The following COX7A1 variants were observed in gnomAD, a reference collection of about 807,000 sequenced individuals.
The protein encoded by COX7A1 is cytochrome c oxidase subunit 7A1.
In COX7A1, 21 loss-of-function variants were observed where a neutral mutation model predicts 13.2. The ratio of observed to expected loss-of-function variants is 1.59; its 90% CI spans 1.13 to 2.29. The LOEUF (loss-of-function observed/expected upper bound fraction) is 2.29. Among genes scored for constraint, COX7A1 ranks in the 30% most tolerant of loss-of-function variants. COX7A1 has a pLI of 0.00. For synonymous variants in COX7A1, 41 were observed against 41.9 expected (o/e 0.98, Z 0.08); for missense variants, 107 against 100.0 (o/e 1.07, Z -0.30).
rs771394071 is a variant in COX7A1, at chr19:36,151,697, C to A, written c.74G>T (p.Arg25Leu). 1.9e-6 allele frequency: 3 copies of A among 1,601,592 alleles called. No homozygotes were observed. Among genetic ancestry groups the A allele is most frequent in the Non-Finnish European group, 2.6e-6 (3 of 1,174,530 alleles). ...GAAGAGCTTCTGTTTCTCGCGCACTCGGTTCTGAAAGCGGTTCCGGGCGGT... is the reference window on the plus strand; with the variant it reads ...GAAGAGCTTCTGTTTCTCGCGCACTAGGTTCTGAAAGCGGTTCCGGGCGGT... ...SSTARNRFQN[R>L]VREKQKLFQE... Residue 25 changes from arginine (R) to leucine (L), a missense_variant, in exon 2 of 4, where the codon CGA (arginine) becomes CTA (leucine). By Grantham distance (102) the Arg-to-Leu change is moderately radical (BLOSUM62 -2). Coordinates refer to ENST00000292907, the MANE Select transcript of COX7A1 (RefSeq NM_001864.4).
rs1974768074 is a variant in COX7A1, at chr19:36,151,506, A to G, written c.143T>C (p.Val48Ala). 7 of 1,614,184 alleles carry G rather than the reference A, an allele frequency of 4.3e-6. No homozygotes were observed. The highest frequency in any genetic ancestry group is 3.3e-4 in the Middle Eastern group (2 of 6,062). The change falls in exon 3 of 4, where the codon GTT (valine) becomes GCT (alanine). Residue 48 changes from valine (V) to alanine (A), a missense_variant. Transcript: ENST00000292907. ...DIPLYLKGGI[V>A]DNILYRVTMT... ...TGTCACTCGGTACAGGATGTTGTCA[A>G]CGATGCCGCCCTTCAGGTACAACGG...
At position 36,151,655 on chromosome 19, in the gene COX7A1, C is replaced by T. The variant is rs776668775; in HGVS notation, c.102+14G>A. ...GGCTGGCGCGTCGGATCCCCACCCC[C>T]CCCGACCCCCCACCTGGAAGAGCTT... is the stretch of plus-strand genomic sequence containing the variant. On this transcript the variant is annotated intron_variant, in intron 2 of 3. Transcript: ENST00000292907. 3.3e-5 allele frequency: 48 copies of T among 1,442,196 alleles called. 1 individual carries two copies. In the South Asian group the frequency reaches 4.6e-4, roughly 14 times the overall value. 89.3% of individuals were successfully genotyped at this position (1,442,196 alleles called of 1,614,324 possible).
At position 36,151,653 on chromosome 19, in the gene COX7A1, CCCCCCGA is replaced by C. The variant is rs749388258; in HGVS notation, c.102+9_102+15del. On this transcript the variant is annotated intron_variant, in intron 2 of 3. Transcript: ENST00000292907. ...CCGGCTGGCGCGTCGGATCCCCACC[CCCCCCGA>C]CCCCCCACCTGGAAGAGCTTCTGTT... 47 of 1,413,638 alleles carry C rather than the reference CCCCCCGA, an allele frequency of 3.3e-5. No individual in the cohort carries two copies. Among genetic ancestry groups the C allele is most frequent in the Non-Finnish European group, 4.0e-5 (42 of 1,042,652 alleles). The allele number at this position is 1,413,638 out of a possible 1,614,324, so 87.6% of individuals were successfully genotyped here. A position where few individuals can be genotyped will look rare whatever the true frequency, so the allele number is the denominator to read the frequency against.
At position 36,150,954 on chromosome 19, in the gene COX7A1, T is replaced by C. The variant is rs1435917192; in HGVS notation, c.*28A>G. 1 of 1,610,660 alleles carries C rather than the reference T, an allele frequency of 6.2e-7. No individual in the cohort carries two copies. Among genetic ancestry groups the C allele is most frequent in the South Asian group, 1.1e-5 (1 of 91,010 alleles). ...CAGCGTTTATTGACACTTGTTCAAGTCTCTCAGGCCCCCCAGGCTTCTTGG... is the reference window on the plus strand; with the variant it reads ...CAGCGTTTATTGACACTTGTTCAAGCCTCTCAGGCCCCCCAGGCTTCTTGG... On this transcript the variant is annotated 3_prime_UTR_variant, in exon 4 of 4. Transcript: ENST00000292907.
chr19:36,151,539 T>TTGTCCTCCTGGATGTGGGGG lies in COX7A1; in HGVS notation c.103-13_109dup (p.Asn37ThrfsTer14). The stretch of plus-strand genomic sequence containing the variant: ...GCCCTTCAGGTACAACGGGATGTCA[T>TTGTCCTCCTGGATGTGGGGG]TGTCCTCCTGGATGTGGGGGTGTCT... On this transcript the variant is annotated frameshift_variant, in exon 3 of 4. Coordinates refer to ENST00000292907, the MANE Select transcript of COX7A1 (RefSeq NM_001864.4). LOFTEE classifies it high-confidence loss of function. The TTGTCCTCCTGGATGTGGGGG allele has an allele frequency of 6.2e-7, 1 of 1,614,134 alleles. No homozygotes were observed. Among genetic ancestry groups the TTGTCCTCCTGGATGTGGGGG allele is most frequent in the Non-Finnish European group, 8.5e-7 (1 of 1,180,002 alleles).
At position 36,151,656 on chromosome 19, in the gene COX7A1, CCCGA is replaced by C; in HGVS notation, c.102+9_102+12del. 5.2e-5 allele frequency: 75 copies of C among 1,451,402 alleles called. No homozygotes were observed. Among genetic ancestry groups the C allele is most frequent in the Non-Finnish European group, 6.7e-5 (72 of 1,077,528 alleles). The allele number at this position is 1,451,402 out of a possible 1,614,324, so 89.9% of individuals were successfully genotyped here. ...GCTGGCGCGTCGGATCCCCACCCCC[CCCGA>C]CCCCCCACCTGGAAGAGCTTCTGTT... On this transcript the variant is annotated intron_variant, in intron 2 of 3. Transcript: ENST00000292907.
rs745934643 is a variant in COX7A1, at chr19:36,151,719, C to A, written c.52G>T (p.Ala18Ser). The A allele has an allele frequency of 2.2e-6, 3 of 1,391,948 alleles. No individual in the cohort carries two copies. The highest frequency in any genetic ancestry group is 3.1e-5 in the African/African-American group (2 of 64,428). The allele number at this position is 1,391,948 out of a possible 1,614,324, so 86.2% of individuals were successfully genotyped here. ...ACTCGGTTCTGAAAGCGGTTCCGGG[C>A]GGTGGAGCTGAAGGAGCGGATCAGC... is the stretch of plus-strand genomic sequence containing the variant. ...QALIRSFSST[A>S]RNRFQNRVRE... is the part of the protein sequence containing the mutation. The change falls in exon 2 of 4, where the codon GCC becomes TCC. Residue 18 changes from alanine (A) to serine (S), a missense_variant. Transcript: ENST00000292907.
chr19:36,151,366 A>C, intron 3 of COX7A1, 96 bp downstream of exon 3: 1 of 1,375,746 alleles, frequency 7.3e-7, no homozygotes, highest in Non-Finnish European at 1.0e-6. Context: ...GCCAACCCCC[A>C]ACCCAGATCC....
Position 36,151,071 on chromosome 19 carries a change from A to G in COX7A1, c.188-37T>C, listed in dbSNP as rs1010962214. The G allele has an allele frequency of 1.9e-6, 3 of 1,600,046 alleles. No homozygotes were observed. The African/African-American group carries it at 4.0e-5, about 22-fold the overall frequency. On this transcript the variant is annotated intron_variant, in intron 3 of 3. Coordinates refer to ENST00000292907, the MANE Select transcript of COX7A1 (RefSeq NM_001864.4). ...AAGCGTTGGAGACAGAATGAGACCT[A>G]ATCCCCTCCCTGGACATCCCAGGCT...
Position 36,151,718 on chromosome 19 carries a change from G to A in COX7A1, c.53C>T (p.Ala18Val). 2 of 1,607,636 alleles carry A rather than the reference G, an allele frequency of 1.2e-6. No individual in the cohort carries two copies. The highest frequency in any genetic ancestry group is 1.7e-6 in the Non-Finnish European group (2 of 1,177,514). Residue 18 changes from alanine (A) to valine (V), a missense_variant, in exon 2 of 4, where the codon GCC (alanine) becomes GTC (valine). Ala to Val is a moderately conservative substitution (Grantham distance 64). Transcript: ENST00000292907. ...CACTCGGTTCTGAAAGCGGTTCCGGGCGGTGGAGCTGAAGGAGCGGATCAG... is the reference window on the plus strand; with the variant it reads ...CACTCGGTTCTGAAAGCGGTTCCGGACGGTGGAGCTGAAGGAGCGGATCAG... ...QALIRSFSST[A>V]RNRFQNRVRE...
chr19:36,151,153 C>G (rs558156362), intron 3 of COX7A1, 119 bp from the exon 4 acceptor site: 1 of 1,055,132 alleles, frequency 9.5e-7, no homozygotes, highest in Non-Finnish European at 1.4e-6. Context: ...AGTTCGGACT[C>G]CAGCTCCCTT....
At chr19:36,151,220 G>A (rs2145938534) in intron 3 of COX7A1, among the ~76,000 whole-genome samples, 186 bp from the exon 4 acceptor site, 1 of 152,214 alleles carries the variant, frequency 6.6e-6, no homozygotes, top group East Asian at 1.9e-4. Flanking sequence ...CGGGCTGGGA[G>A]CTTTCTCCCC....
Position 36,151,669 on chromosome 19 carries a change from C to CCCCCA in COX7A1, c.101_102insTGGGG (p.Gln34HisfsTer12). ...ATCCCCACCCCCCCCGACCCCCCAC[C>CCCCCA]TGGAAGAGCTTCTGTTTCTCGCGCA... On this transcript the variant is annotated frameshift_variant and splice_region_variant, in exon 2 of 4. Coordinates refer to ENST00000292907, the MANE Select transcript of COX7A1 (RefSeq NM_001864.4). LOFTEE classifies it high-confidence loss of function. 6.3e-7 allele frequency: 1 copy of CCCCCA among 1,591,916 alleles called. No homozygotes were observed. The highest frequency in any genetic ancestry group is 8.6e-7 in the Non-Finnish European group (1 of 1,168,886).
chr19:36,151,325 T>G, intron 3 of COX7A1, 137 bp downstream of exon 3: 2 of 903,894 alleles, frequency 2.2e-6, no homozygotes, highest in Non-Finnish European at 3.4e-6. Context: ...CAGGCCTGAC[T>G]CCAGCTCAGT....
chr19:36,151,388 G>A, intron 3 of COX7A1, 74 bp downstream of exon 3: 1 of 1,536,816 alleles, frequency 6.5e-7, no homozygotes, highest in Non-Finnish European at 9.0e-7. Context: ...GGTCAGTCCT[G>A]CCCAGAAACC....
chr19:36,151,777 G>C, intron 1 of COX7A1, 22 bp from the exon 2 acceptor site: 1 of 1,575,578 alleles, frequency 6.3e-7, no homozygotes, highest in Non-Finnish European at 8.6e-7. Flanking sequence ...GAGGTGGGCG[G>C]GTATTGGAGG....
In COX7A1 at chr19:36,151,398, C is replaced by T. The variant is rs1974765086; in HGVS notation, c.187+64G>A. 2.5e-6 allele frequency: 4 copies of T among 1,577,332 alleles called. No individual in the cohort carries two copies. In the East Asian group the frequency reaches 9.0e-5, roughly 35 times the overall value. ...ATCCTGGTCAGTCCTGCCCAGAAAC[C>T]AGCCACCTCTTACTCTGGGTCCAGC... On this transcript the variant is annotated intron_variant, in intron 3 of 3. Transcript: ENST00000292907.
chr19:36,151,584 C>T, intron 2 of COX7A1, 38 bp from the exon 3 acceptor site: 1 of 1,613,162 alleles, frequency 6.2e-7, no homozygotes, highest in Non-Finnish European at 8.5e-7. Flanking sequence ...GGGGTGCTGG[C>T]TGCTCCTTAG....
chr19:36,151,345 C>T (rs1010930947), intron 3 of COX7A1, 117 bp downstream of exon 3: 2 of 1,106,966 alleles, frequency 1.8e-6, no homozygotes, highest in African/African-American at 3.1e-5. Flanking sequence ...TACTCGACCC[C>T]CTTCCTAAAC....
Sources: allele counts gnomAD v4.1 joint callset (sites outside exome capture counted in the v4.1 genomes callset), GRCh38; gene constraint gnomAD v4.1.1; transcripts MANE v1.5; gene names NCBI Gene and HGNC (gene_info 2026-07-23, HGNC 2026-07-21).